The following BCAR3 variants were observed in gnomAD, a reference collection of about 807,000 sequenced individuals.
BCAR3 encodes the protein BCAR3 adaptor protein, NSP family member.
A neutral mutation model predicts 80.1 loss-of-function variants in BCAR3; 37 were observed. The observed-to-expected ratio is 0.46, with a 90% CI of 0.36 to 0.61. BCAR3 has a LOEUF of 0.61. Among genes scored for constraint, BCAR3 ranks in the 20% least tolerant of loss-of-function variants. The pLI, the probability that BCAR3 is intolerant of heterozygous loss-of-function variation, is 0.00. For synonymous variants in BCAR3, 389 were observed against 418.9 expected (o/e 0.93, Z 0.87); for missense variants, 978 against 1,068.2 (o/e 0.92, Z 1.18).
intron 2 of BCAR3, among the ~76,000 whole-genome samples, chr1:93,669,345 A>G (rs1255654139): frequency 2.0e-5 from 3 of 152,234 alleles, no homozygotes; most frequent in Non-Finnish European, 4.4e-5. Flanking sequence ...AAAAAGCTGC[A>G]TAGATTCTGG....
chr1:93,726,433 T>C (rs1221412464), intron 2 of BCAR3, among the ~76,000 whole-genome samples: 1 of 152,138 alleles, frequency 6.6e-6, no homozygotes, highest in Non-Finnish European at 1.5e-5. Flanking sequence ...GTCATGTGTC[T>C]CAAAAAAAAT....
At chr1:93,719,507 A>C (rs1200842684) in intron 2 of BCAR3, among the ~76,000 whole-genome samples, 1 of 151,158 alleles carries the variant, frequency 6.6e-6, no homozygotes, top group African/African-American at 2.4e-5. Context: ...CGCCCGGCTA[A>C]TTTTTTTGTA....
intron 2 of BCAR3, among the ~76,000 whole-genome samples, chr1:93,832,760 A>C (rs1243834490): frequency 6.6e-6 from 1 of 152,100 alleles, no homozygotes; most frequent in Non-Finnish European, 1.5e-5. Context: ...AACTCGGAAA[A>C]CATTCTTTTA....
chr1:93,667,418 C>T (rs983796739), intron 2 of BCAR3, among the ~76,000 whole-genome samples: 7 of 152,198 alleles, frequency 4.6e-5, no homozygotes, highest in East Asian at 3.8e-4. Flanking sequence ...GGGTTATTTA[C>T]GCTCCCACTT....
intron 2 of BCAR3, among the ~76,000 whole-genome samples, chr1:93,752,084 C>T (rs576177636): frequency 1.3e-5 from 2 of 152,380 alleles, no homozygotes; most frequent in East Asian, 1.9e-4. Context: ...CTCACCCACC[C>T]AAACCTCAGA....
At chr1:93,779,017 A>G (rs1218554113) in intron 2 of BCAR3, among the ~76,000 whole-genome samples, 1 of 152,142 alleles carries the variant, frequency 6.6e-6, no homozygotes, top group Non-Finnish European at 1.5e-5. Flanking sequence ...CTTGGCCAAC[A>G]TCAGAAAAAG....
At chr1:93,801,131 C>T (rs939133511) in intron 2 of BCAR3, among the ~76,000 whole-genome samples, 1 of 152,124 alleles carries the variant, frequency 6.6e-6, no homozygotes, top group Non-Finnish European at 1.5e-5. Flanking sequence ...ATGCCCATTT[C>T]AGTATTCTGC....
At chr1:93,710,696 T>C (rs904943838) in intron 2 of BCAR3, among the ~76,000 whole-genome samples, 1 of 152,208 alleles carries the variant, frequency 6.6e-6, no homozygotes, top group Non-Finnish European at 1.5e-5. Context: ...GATCATGCCA[T>C]TCCCTCTGTC....
chr1:93,614,777 A>G (rs112100691), intron 3 of BCAR3, among the ~76,000 whole-genome samples: 22 of 152,160 alleles, frequency 1.4e-4, no homozygotes, highest in African/African-American at 5.3e-4. Context: ...TGTTTGTCCT[A>G]TACCTTCCTT....
chr1:93,807,003 G>C (rs1653674759), intron 2 of BCAR3, among the ~76,000 whole-genome samples: 1 of 152,086 alleles, frequency 6.6e-6, no homozygotes, highest in African/African-American at 2.4e-5. Flanking sequence ...TACTTGAGGG[G>C]CCTAGGTGGG....
At chr1:93,807,994 C>T (rs1653711366) in intron 2 of BCAR3, among the ~76,000 whole-genome samples, 1 of 147,942 alleles carries the variant, frequency 6.8e-6, no homozygotes, top group Non-Finnish European at 1.5e-5. Context: ...GCTGAGATCA[C>T]ACCACTGCAC....
At chr1:93,645,733 A>G (rs930804485) in intron 2 of BCAR3, among the ~76,000 whole-genome samples, 7 of 150,402 alleles carry the variant, frequency 4.7e-5, no homozygotes, top group African/African-American at 1.7e-4. Flanking sequence ...TATATTATAC[A>G]TTATATATAC....
At position 93,589,286 on chromosome 1, in the gene BCAR3, C is replaced by G; in HGVS notation, c.620G>C (p.Arg207Pro). ...QHFKINRTVL[R>P]LSEAYSRVQY... Reference sequence around the variant, plus strand: ...CACGCGGCTGTAGGCCTCGCTGAGTCGCAGAACTGTCCGGTTGATTTTGAA... The same window carrying G: ...CACGCGGCTGTAGGCCTCGCTGAGTGGCAGAACTGTCCGGTTGATTTTGAA... Residue 207 changes from arginine to proline, a missense_variant, in exon 5 of 12, where the codon CGA becomes CCA. By Grantham distance (103) the Arg-to-Pro change is moderately radical. Transcript: ENST00000260502. 2.5e-6 allele frequency: 4 copies of G among 1,614,156 alleles called. No individual in the cohort carries two copies. The highest frequency in any genetic ancestry group is 3.4e-6 in the Non-Finnish European group (4 of 1,180,034).
At chr1:93,580,550 T>C (rs1673661942) in intron 7 of BCAR3, among the ~76,000 whole-genome samples, 1 of 151,134 alleles carries the variant, frequency 6.6e-6, no homozygotes, top group Non-Finnish European at 1.5e-5. Flanking sequence ...ATGAAACATG[T>C]AGACTTTTTT....
chr1:93,581,001 A>C (rs1673682743), intron 7 of BCAR3, among the ~76,000 whole-genome samples: 1 of 152,152 alleles, frequency 6.6e-6, no homozygotes, highest in Non-Finnish European at 1.5e-5. Context: ...TCTCTACAAA[A>C]AATACAAAGA....
intron 2 of BCAR3, among the ~76,000 whole-genome samples, chr1:93,839,212 G>A (rs974147398): frequency 6.6e-6 from 1 of 152,164 alleles, no homozygotes; most frequent in East Asian, 1.9e-4. Context: ...AGAATCGCTT[G>A]AATCGTGGAG....
chr1:93,638,211 T>C (rs1331338250), intron 3 of BCAR3, among the ~76,000 whole-genome samples: 1 of 152,180 alleles, frequency 6.6e-6, no homozygotes, highest in Non-Finnish European at 1.5e-5. Context: ...ATTGCGCCAC[T>C]GTACTCCAGC....
At chr1:93,736,877 C>T (rs1477840645) in intron 2 of BCAR3, among the ~76,000 whole-genome samples, 2 of 152,186 alleles carry the variant, frequency 1.3e-5, no homozygotes, top group Non-Finnish European at 2.9e-5. Context: ...TAGGCTTTTG[C>T]ATTTTATGCT....
intron 2 of BCAR3, among the ~76,000 whole-genome samples, chr1:93,809,875 A>G (rs980176836): frequency 1.3e-5 from 2 of 152,056 alleles, no homozygotes; most frequent in African/African-American, 4.8e-5. Context: ...AAGACGGTGT[A>G]AAACCTGGTG....
Sources: allele counts gnomAD v4.1 joint callset (sites outside exome capture counted in the v4.1 genomes callset), GRCh38; gene constraint gnomAD v4.1.1; transcripts MANE v1.5; gene names NCBI Gene and HGNC (gene_info 2026-07-23, HGNC 2026-07-21).